CALN1: variants seen among roughly 807,000 people sequenced by gnomAD.
CALN1 encodes the protein calcium-binding protein 8.
In CALN1, 17 loss-of-function variants were observed where a neutral mutation model predicts 30.6. That is an observed-to-expected ratio of 0.56 (90% CI 0.38 to 0.83). CALN1 has a LOEUF of 0.83. CALN1 is among the 40% of genes least tolerant of loss of function. The pLI is 0.00. For synonymous variants in CALN1, 156 were observed against 131.4 expected, an observed-to-expected ratio of 1.19 and a Z score of -1.28; for missense variants, 291 against 354.9, an observed-to-expected ratio of 0.82 and a Z score of 1.45.
chr7:71,930,152 A>G (rs1409986821), intron 5 of CALN1, among the ~76,000 whole-genome samples: 1 of 152,100 alleles, frequency 6.6e-6, no homozygotes, highest in African/African-American at 2.4e-5. Flanking sequence ...GACAGACACA[A>G]TTTTTTTCCC....
intron 3 of CALN1, among the ~76,000 whole-genome samples, chr7:72,109,987 G>C (rs2129541502): frequency 6.6e-6 from 1 of 152,354 alleles, no homozygotes; most frequent in South Asian, 2.1e-4. Flanking sequence ...AAGGTCTGCG[G>C]CTGCAGTTAC....
chr7:72,184,681 G>A (rs2129546363), intron 3 of CALN1, among the ~76,000 whole-genome samples: 1 of 152,186 alleles, frequency 6.6e-6, no homozygotes, highest in South Asian at 2.1e-4. Context: ...GTTCCATTTT[G>A]CAGGAAAACA....
rs566675586 is a variant in CALN1 at position 72,148,932 on chromosome 7, A to G, written c.245-42638T>C. ...CAAAAAAAAGAAAGAAAGAAAGAAA[A>G]AAAAGAAGGAAGGAAGGAAGGAAAG... On this transcript the variant is annotated intron_variant, in intron 3 of 6. Transcript: ENST00000395275. 2.1e-3 allele frequency among the ~76,000 whole-genome samples: 311 copies of G among 149,996 alleles called. 1 individual carries two copies. Among genetic ancestry groups the G allele is most frequent in the Non-Finnish European group, 3.3e-3 (226 of 67,530 alleles).
intron 5 of CALN1, among the ~76,000 whole-genome samples, chr7:71,917,618 G>A (rs1417682093): frequency 6.6e-6 from 1 of 152,096 alleles, no homozygotes; most frequent in Non-Finnish European, 1.5e-5. Context: ...ATGGCGGAAG[G>A]CACCTCTCCA....
At chr7:72,389,746 C>G (rs1383292220) in intron 2 of CALN1, among the ~76,000 whole-genome samples, 2 of 151,936 alleles carry the variant, frequency 1.3e-5, no homozygotes, top group African/African-American at 2.4e-5. Context: ...ATGGTGAAAC[C>G]CTGTCTCTAC....
chr7:72,409,081 C>T (rs768894315), intron 1 of CALN1, among the ~76,000 whole-genome samples: 16 of 151,796 alleles, frequency 1.1e-4, no homozygotes, highest in Non-Finnish European at 2.2e-4. Context: ...CTGCAACTTC[C>T]GCCTCCCGGA....
At chr7:72,148,053 G>T (rs954927303) in intron 3 of CALN1, among the ~76,000 whole-genome samples, 14 of 147,810 alleles carry the variant, frequency 9.5e-5, no homozygotes, top group African/African-American at 3.5e-4. Flanking sequence ...TAACAAACCT[G>T]CATGTTGTGC....
At chr7:72,241,756 C>A (rs1356766469) in intron 3 of CALN1, among the ~76,000 whole-genome samples, 2 of 152,014 alleles carry the variant, frequency 1.3e-5, no homozygotes, top group Non-Finnish European at 2.9e-5. Context: ...ACACTCATGT[C>A]TAAAACAACA....
At chr7:72,448,666 C>T (rs560364146), upstream of CALN1, among the ~76,000 whole-genome samples, 349 of 151,734 alleles carry the variant, frequency 2.3e-3, 3 homozygotes, top group African/African-American at 8.2e-3. Flanking sequence ...AGTGCTGTGG[C>T]GTGGTCTCGG....
At chr7:71,915,595 A>T (rs934068622) in intron 5 of CALN1, among the ~76,000 whole-genome samples, 1 of 152,174 alleles carries the variant, frequency 6.6e-6, no homozygotes, top group Admixed American at 6.5e-5. Flanking sequence ...TTAGTTGGGC[A>T]TGGTGGTGCA....
At chr7:72,107,227 G>A (rs1342583442) in intron 3 of CALN1, among the ~76,000 whole-genome samples, 1 of 152,120 alleles carries the variant, frequency 6.6e-6, no homozygotes, top group African/African-American at 2.4e-5. Flanking sequence ...CAGGAGGAAA[G>A]GAGAATGCAG....
At chr7:71,892,998 T>C (rs191718912) in intron 5 of CALN1, among the ~76,000 whole-genome samples, 1 of 152,186 alleles carries the variant, frequency 6.6e-6, no homozygotes, top group Admixed American at 6.5e-5. Flanking sequence ...TTGCAAGGCT[T>C]TGAAATTGAC....
chr7:72,149,974 T>A (rs1787097211), intron 3 of CALN1, among the ~76,000 whole-genome samples: 1 of 150,478 alleles, frequency 6.6e-6, no homozygotes. Flanking sequence ...AAAAAAAAAA[T>A]TAGCCAGGCA....
chr7:71,888,275 A>G (rs1293468522), intron 5 of CALN1, among the ~76,000 whole-genome samples: 1 of 151,988 alleles, frequency 6.6e-6, no homozygotes, highest in Admixed American at 6.6e-5. Flanking sequence ...ACGGGCTGCT[A>G]ATGGGCGTGG....
At chr7:72,016,493 G>A (rs1800386912) in intron 5 of CALN1, among the ~76,000 whole-genome samples, 1 of 151,716 alleles carries the variant, frequency 6.6e-6, no homozygotes, top group Admixed American at 6.6e-5. Context: ...CAAGAGTGCA[G>A]TGGCATGATT....
chr7:72,186,886 T>A lies in CALN1; in HGVS notation c.245-80592A>T, dbSNP rs911367739. 4.2e-3 allele frequency among the ~76,000 whole-genome samples: 7 copies of A among 1,656 alleles called. No individual in the cohort carries two copies. The East Asian group carries it at 0.15, about 34-fold the overall frequency. The allele number at this position is 1,656 out of a possible 152,430, so 1.1% of individuals were successfully genotyped here. A position where few individuals can be genotyped will look rare whatever the true frequency, so the allele number is the denominator to read the frequency against. On this transcript the variant is annotated intron_variant, in intron 3 of 6. Coordinates refer to ENST00000395275, the MANE Select transcript of CALN1 (RefSeq NM_031468.4). Reference sequence around the variant, plus strand: ...TGCAATAAACATATGAGTGCAGAGCTTTTTTTTTTTTTTTTTTTTTTTTGA... The same window carrying A: ...TGCAATAAACATATGAGTGCAGAGCATTTTTTTTTTTTTTTTTTTTTTTGA...
At chr7:72,357,603 T>C (rs1384308023) in intron 2 of CALN1, among the ~76,000 whole-genome samples, 1 of 151,590 alleles carries the variant, frequency 6.6e-6, no homozygotes, top group African/African-American at 2.4e-5. Flanking sequence ...GAGACTCACG[T>C]CAAATCAACG....
At chr7:72,357,432 T>C (rs1309831215) in intron 2 of CALN1, among the ~76,000 whole-genome samples, 4 of 151,894 alleles carry the variant, frequency 2.6e-5, no homozygotes, top group African/African-American at 7.3e-5. Flanking sequence ...AGGGATTCGA[T>C]TGGAAATAAA....
intron 3 of CALN1, among the ~76,000 whole-genome samples, chr7:72,217,545 C>A (rs113387601): frequency 6.6e-6 from 1 of 152,016 alleles, no homozygotes; most frequent in Admixed American, 6.6e-5. Flanking sequence ...CTAAGTCGTG[C>A]CAGATGAAGA....
Sources: gnomAD v4.1 joint callset for allele counts (sites outside exome capture counted in the v4.1 genomes callset) on GRCh38, gnomAD v4.1.1 for gene constraint, MANE v1.5 for transcripts, NCBI Gene and HGNC (gene_info 2026-07-23, HGNC 2026-07-21) for gene names.